Variants in SYCP1 observed in about 807,000 individuals in gnomAD.
The protein encoded by SYCP1 is cancer/testis antigen 8.
In SYCP1, 64 loss-of-function variants were observed where a neutral mutation model predicts 153.1. The observed-to-expected ratio is 0.42, with a 90% CI of 0.34 to 0.51. The LOEUF is 0.51. SYCP1 is among the 20% of genes least tolerant of loss of function. SYCP1 has a pLI of 0.06. For synonymous variants in SYCP1, 384 were observed against 341.8 expected (o/e 1.12, Z -1.36); for missense variants, 997 against 1,049.0 (o/e 0.95, Z 0.68).
chr1:114,940,092 G>A (rs1368838115), intron 23 of SYCP1, among the ~76,000 whole-genome samples: 2 of 151,740 alleles, frequency 1.3e-5, no homozygotes, highest in Non-Finnish European at 2.9e-5. Context: ...GTCAATTTGG[G>A]AAGTCTTTTT....
At chr1:114,881,054 T>TACAC (rs199813501) in intron 12 of SYCP1, among the ~76,000 whole-genome samples, 1,950 of 77,892 alleles carry the variant, frequency 0.025, 54 homozygotes, top group South Asian at 0.11. Flanking sequence ...AATTTGTGTA[T>TACAC]ATACACACAC....
chr1:114,900,323 C>G lies in SYCP1; in HGVS notation c.1320+4814C>G, dbSNP rs1033307761. Among the ~76,000 whole-genome samples, 6 of 152,122 alleles carry G rather than the reference C, an allele frequency of 3.9e-5. No individual in the cohort carries two copies. The South Asian group carries it at 1.0e-3, about 26-fold the overall frequency. On this transcript the variant is annotated intron_variant, in intron 16 of 31. Transcript: ENST00000369522. ...TGAGATGGAATTTCGCTCTGTCACC[C>G]AGGCTGGAGTGCGGTGGCGTGATCT...
intron 27 of SYCP1, among the ~76,000 whole-genome samples, chr1:114,966,306 G>A (rs914593297): frequency 2.6e-5 from 4 of 151,602 alleles, no homozygotes; most frequent in Non-Finnish European, 4.4e-5. Flanking sequence ...TCCTAGATTC[G>A]TTGATTTTTT....
In SYCP1 at chr1:114,995,104, T is replaced by C; in HGVS notation, c.*85T>C. 1 of 1,333,088 alleles carries C rather than the reference T, an allele frequency of 7.5e-7. No homozygotes were observed. The highest frequency in any genetic ancestry group is 1.0e-6 in the Non-Finnish European group (1 of 1,002,228). 82.6% of individuals were successfully genotyped at this position (1,333,088 alleles called of 1,614,324 possible). The stretch of plus-strand genomic sequence containing the variant: ...GTTCTTATTTGCCAGAGCCAAATTT[T>C]ATCTGGAAGTTGAGACTTAAAAAAT... On this transcript the variant is annotated 3_prime_UTR_variant, in exon 32 of 32. Coordinates refer to ENST00000369522, the MANE Select transcript of SYCP1 (RefSeq NM_003176.4).
At chr1:114,874,685 A>G (rs1443196197) in intron 9 of SYCP1, 121 bp downstream of exon 9, 6 of 588,012 alleles carry the variant, frequency 1.0e-5, no homozygotes, top group Non-Finnish European at 1.7e-5. Context: ...TTGTTGATAT[A>G]TTATTGTATC....
intron 3 of SYCP1, 96 bp from the exon 4 acceptor site, chr1:114,857,136 C>CAAGAAAAAAAAAAAAAAAAA: frequency 4.1e-6 from 1 of 242,712 alleles, no homozygotes; most frequent in Non-Finnish European, 5.9e-6. Flanking sequence ...CTCTCTCTCT[C>CAAGAAAAAAAAAAAAAAAAA]AAAAAAAAAA....
Position 114,994,937 on chromosome 1 carries a change from A to T in SYCP1, c.2849A>T (p.Lys950Ile). Residue 950 changes from lysine (K) to isoleucine (I), a missense_variant, in exon 32 of 32, where the codon AAA (lysine) becomes ATA (isoleucine). By Grantham distance (102) the Lys-to-Ile change is moderately radical. This residue lies in a region of SYCP1 where 712 missense variants were observed against 682.9 expected (regional missense o/e 1.04). Coordinates refer to ENST00000369522, the MANE Select transcript of SYCP1 (RefSeq NM_003176.4). Reference protein sequence around the residue: ...GSTLKFGAIRKMREDRWAVIA... With the variant: ...GSTLKFGAIRIMREDRWAVIA... Reference sequence around the variant, plus strand: ...ACACTGAAGTTTGGAGCTATAAGAAAAATGCGGGAGGACCGTTGGGCTGTA... The same window carrying T: ...ACACTGAAGTTTGGAGCTATAAGAATAATGCGGGAGGACCGTTGGGCTGTA... The T allele has an allele frequency of 7.5e-6, 12 of 1,609,868 alleles. No individual in the cohort carries two copies. Among genetic ancestry groups the T allele is most frequent in the Non-Finnish European group, 1.0e-5 (12 of 1,177,522 alleles).
intron 15 of SYCP1, among the ~76,000 whole-genome samples, chr1:114,891,296 C>A (rs1666688380): frequency 6.6e-6 from 1 of 152,168 alleles, no homozygotes; most frequent in Non-Finnish European, 1.5e-5. Flanking sequence ...CGTCTTTGAC[C>A]AGTGCTATTA....
At chr1:114,904,561 T>C (rs72694098) in intron 16 of SYCP1, among the ~76,000 whole-genome samples, 9,257 of 152,330 alleles carry the variant, frequency 0.061, 321 homozygotes, top group Middle Eastern at 0.14. Context: ...TTTCTATTTT[T>C]ATAGATCTTC....
intron 15 of SYCP1, among the ~76,000 whole-genome samples, chr1:114,892,869 T>C (rs1324782734): frequency 6.6e-6 from 1 of 151,772 alleles, no homozygotes; most frequent in Non-Finnish European, 1.5e-5. Flanking sequence ...CAGAGCAGGA[T>C]GTAGTCTCCT....
At chr1:114,920,873 A>G (rs1243776148) in intron 20 of SYCP1, among the ~76,000 whole-genome samples, 1 of 152,054 alleles carries the variant, frequency 6.6e-6, no homozygotes, top group Non-Finnish European at 1.5e-5. Context: ...GTATCTTTAC[A>G]GGTGAAGAGG....
chr1:114,936,810 A>G (rs1670042098), intron 23 of SYCP1, among the ~76,000 whole-genome samples: 1 of 152,232 alleles, frequency 6.6e-6, no homozygotes, highest in Non-Finnish European at 1.5e-5. Context: ...TTCAAAGAGA[A>G]TAAAATACCT....
intron 27 of SYCP1, among the ~76,000 whole-genome samples, chr1:114,951,477 A>G (rs1256828288): frequency 6.6e-6 from 1 of 152,230 alleles, no homozygotes; most frequent in Non-Finnish European, 1.5e-5. Context: ...TTTACAAAAT[A>G]TTTAATAGTT....
intron 5 of SYCP1, among the ~76,000 whole-genome samples, chr1:114,857,729 A>G (rs1664106282): frequency 6.6e-6 from 1 of 152,126 alleles, no homozygotes; most frequent in Non-Finnish European, 1.5e-5. Flanking sequence ...AACGAGTACT[A>G]TACCTGAAAA....
chr1:114,895,497 G>A lies in SYCP1; in HGVS notation c.1308G>A (p.Leu436=). 1 of 1,513,142 alleles carries A rather than the reference G, an allele frequency of 6.6e-7. No homozygotes were observed. The highest frequency in any genetic ancestry group is 9.0e-7 in the Non-Finnish European group (1 of 1,112,640). 93.7% of individuals were successfully genotyped at this position (1,513,142 alleles called of 1,614,324 possible). Reference sequence around the variant, plus strand: ...ACAAAGAAGTAGAACTTGAAGAATTGAAAAAAGTCTTGGTAAGTATAGTCT... The same window carrying A: ...ACAAAGAAGTAGAACTTGAAGAATTAAAAAAAGTCTTGGTAAGTATAGTCT... ...TNNKEVELEE[L]KKVLGEKETL... is the part of the protein sequence containing the mutation. Residue 436 remains leucine (L), a synonymous_variant, in exon 16 of 32, where the codon TTG becomes TTA. Coordinates refer to ENST00000369522, the MANE Select transcript of SYCP1 (RefSeq NM_003176.4).
intron 27 of SYCP1, among the ~76,000 whole-genome samples, chr1:114,960,503 G>A (rs1671721813): frequency 6.6e-6 from 1 of 152,142 alleles, no homozygotes; most frequent in Non-Finnish European, 1.5e-5. Context: ...CACAGTGGTT[G>A]TACTAATTTA....
intron 12 of SYCP1, among the ~76,000 whole-genome samples, chr1:114,880,799 G>A (rs1665868342): frequency 6.6e-6 from 1 of 151,920 alleles, no homozygotes; most frequent in African/African-American, 2.4e-5. Context: ...GTCTTTTCTG[G>A]TTGTTTCCAG....
At chr1:114,856,460 T>C in intron 2 of SYCP1, 113 bp from the exon 3 acceptor site, 1 of 618,952 alleles carries the variant, frequency 1.6e-6, no homozygotes, top group African/African-American at 1.9e-5. Context: ...TTAAAGGATT[T>C]GCAATTATAG....
At position 114,857,270 on chromosome 1, in the gene SYCP1, G is replaced by C; in HGVS notation, c.232G>C (p.Glu78Gln). The change falls in exon 4 of 32, where the codon GAG (glutamate) becomes CAG (glutamine). Residue 78 changes from glutamate to glutamine, a missense_variant. Around this residue, in one of 2 missense-constraint regions of SYCP1, gnomAD observed 285 missense variants for 366.1 expected, o/e 0.78. Coordinates refer to ENST00000369522, the MANE Select transcript of SYCP1 (RefSeq NM_003176.4). ...LQKVNFLPVL[E>Q]QVGNSDCHYQ... Reference sequence around the variant, plus strand: ...AAAAGTTAATTTCTTGCCCGTGCTTGAGCAGGTCAGTTAAGCATAGTACAT... The same window carrying C: ...AAAAGTTAATTTCTTGCCCGTGCTTCAGCAGGTCAGTTAAGCATAGTACAT... 6.2e-7 allele frequency: 1 copy of C among 1,602,682 alleles called. No individual in the cohort carries two copies. Among genetic ancestry groups the C allele is most frequent in the Non-Finnish European group, 8.5e-7 (1 of 1,174,302 alleles).
Sources: gnomAD v4.1 joint callset for allele counts (sites outside exome capture counted in the v4.1 genomes callset) on GRCh38, gnomAD v4.1.1 for gene constraint, gnomAD v4.1.1 regional missense constraint, MANE v1.5 for transcripts, NCBI Gene and HGNC (gene_info 2026-07-23, HGNC 2026-07-21) for gene names.